ATP8A2: variants seen among roughly 807,000 people sequenced by gnomAD.
The protein encoded by ATP8A2 is ATPase phospholipid transporting 8A2, also known as phospholipid-transporting ATPase IB.
Under a neutral mutation model 165.6 loss-of-function variants are expected in ATP8A2, and 100 were observed. The observed-to-expected ratio is 0.60, with a 90% CI of 0.51 to 0.71. The LOEUF is 0.71. Ranked by LOEUF, ATP8A2 falls within the 30% of genes least tolerant of loss-of-function variation. The pLI is 0.00. For missense variants in ATP8A2, 1,227 were observed against 1,479.5 expected (o/e 0.83, Z 2.80); for synonymous variants, 543 against 548.8 (o/e 0.99, Z 0.15).
intron 23 of ATP8A2, among the ~76,000 whole-genome samples, chr13:25,587,644 A>T (rs1039921867): frequency 6.6e-6 from 1 of 152,268 alleles, no homozygotes; most frequent in African/African-American, 2.4e-5. Context: ...TCTATATTGC[A>T]TGAAGTTGCT....
chr13:25,964,620 TC>T (rs1196317579), intron 34 of ATP8A2, among the ~76,000 whole-genome samples: 1 of 152,140 alleles, frequency 6.6e-6, no homozygotes, highest in Non-Finnish European at 1.5e-5. Flanking sequence ...GAACCACCCA[TC>T]CTTGGATTTG....
chr13:25,921,579 C>T (rs550355301), intron 33 of ATP8A2, among the ~76,000 whole-genome samples: 62 of 147,770 alleles, frequency 4.2e-4, no homozygotes, highest in African/African-American at 1.4e-3. Context: ...GCCAAGATTG[C>T]GCCATTGCAC....
chr13:25,545,206 C>T (rs1043810754), intron 10 of ATP8A2, among the ~76,000 whole-genome samples: 1 of 151,846 alleles, frequency 6.6e-6, no homozygotes, highest in Non-Finnish European at 1.5e-5. Flanking sequence ...CGGGAGGGCT[C>T]CATGGCAGCT....
At chr13:25,409,068 C>A (rs1352662433) in intron 1 of ATP8A2, among the ~76,000 whole-genome samples, 1 of 152,118 alleles carries the variant, frequency 6.6e-6, no homozygotes, top group Non-Finnish European at 1.5e-5. Flanking sequence ...ATGCCCTTTT[C>A]TATTTTGATC....
At chr13:25,768,547 C>T (rs529359004) in intron 25 of ATP8A2, among the ~76,000 whole-genome samples, 9 of 152,062 alleles carry the variant, frequency 5.9e-5, no homozygotes, top group South Asian at 4.2e-4. Flanking sequence ...TGCTCTTACC[C>T]CAGCCTTCTT....
At chr13:25,869,688 C>T (rs563763809) in intron 33 of ATP8A2, among the ~76,000 whole-genome samples, 2 of 152,328 alleles carry the variant, frequency 1.3e-5, no homozygotes, top group Non-Finnish European at 2.9e-5. Context: ...GAGAAAAGTT[C>T]TCTTGTCCCC....
intron 10 of ATP8A2, among the ~76,000 whole-genome samples, chr13:25,545,186 T>G (rs1335895472): frequency 6.6e-6 from 1 of 151,820 alleles, no homozygotes; most frequent in Non-Finnish European, 1.5e-5. Flanking sequence ...GCTTGTGTGT[T>G]GAAGCAAGGC....
chr13:25,753,969 C>T (rs2044207985), intron 25 of ATP8A2, among the ~76,000 whole-genome samples: 1 of 152,226 alleles, frequency 6.6e-6, no homozygotes, highest in Non-Finnish European at 1.5e-5. Context: ...AAAGAAATTG[C>T]ACCCCTTGCA....
intron 25 of ATP8A2, among the ~76,000 whole-genome samples, chr13:25,701,170 C>A (rs2042943498): frequency 6.6e-6 from 1 of 152,118 alleles, no homozygotes; most frequent in African/African-American, 2.4e-5. Flanking sequence ...TTACTTGCAG[C>A]AAAATTATTT....
chr13:25,559,063 T>C lies in ATP8A2; in HGVS notation c.1352+2T>C, dbSNP rs1381674923. The C allele has an allele frequency of 6.3e-7, 1 of 1,589,118 alleles. No homozygotes were observed. Among genetic ancestry groups the C allele is most frequent in the African/African-American group, 1.3e-5 (1 of 74,132 alleles). ...CAGCATTGCCGGAGTAACCTATGGG[T>C]CAGTGTGTTTATCATTTACTGAAAA... On this transcript the variant is annotated splice_donor_variant, in intron 14 of 36. Transcript: ENST00000381655. LOFTEE classifies it high-confidence loss of function.
chr13:25,698,365 C>T (rs1225117145), intron 24 of ATP8A2, among the ~76,000 whole-genome samples: 1 of 152,006 alleles, frequency 6.6e-6, no homozygotes, highest in Non-Finnish European at 1.5e-5. Flanking sequence ...CGACTACAGA[C>T]ATGCAGCAGA....
intron 27 of ATP8A2, among the ~76,000 whole-genome samples, chr13:25,809,145 T>A: frequency 6.6e-6 from 1 of 152,054 alleles, no homozygotes; most frequent in East Asian, 1.9e-4. Flanking sequence ...AAGTGAGGTG[T>A]CTTCAAAGAT....
chr13:25,731,748 A>G (rs187204389), intron 25 of ATP8A2, among the ~76,000 whole-genome samples: 1 of 152,390 alleles, frequency 6.6e-6, no homozygotes, highest in East Asian at 1.9e-4. Context: ...TAACACTCGC[A>G]GAAATGAAGC....
chr13:25,449,874 C>CA (rs2035165979), intron 1 of ATP8A2, among the ~76,000 whole-genome samples: 1 of 152,080 alleles, frequency 6.6e-6, no homozygotes, highest in African/African-American at 2.4e-5. Context: ...AGGTTTGTTA[C>CA]ATAGGTAAAC....
Position 26,025,441 on chromosome 13 carries a change from G to GAGCAA in ATP8A2, c.*5460_*5464dup, listed in dbSNP as rs1957151496. ...CATCTTTGTGGCGTCTTTCTCATGC[G>GAGCAA]AGCAAAGCCACGTGCTCTCCTGTCT... On this transcript the variant is annotated 3_prime_UTR_variant, in exon 37 of 37. Transcript: ENST00000381655. The GAGCAA allele has an allele frequency of 6.6e-6, 1 of 152,264 alleles. No homozygotes were observed. The highest frequency in any genetic ancestry group is 2.1e-4 in the South Asian group (1 of 4,830). 9.4% of individuals were successfully genotyped at this position (152,264 alleles called of 1,614,324 possible).
intron 24 of ATP8A2, among the ~76,000 whole-genome samples, chr13:25,641,096 G>A (rs7333490): frequency 0.72 from 109,968 of 152,016 alleles, 39,936 homozygotes; most frequent in Middle Eastern, 0.79. Context: ...GTATTGATGG[G>A]ATGTATCTCA....
intron 35 of ATP8A2, among the ~76,000 whole-genome samples, chr13:25,996,238 T>G (rs1956500545): frequency 6.6e-6 from 1 of 152,242 alleles, no homozygotes; most frequent in Non-Finnish European, 1.5e-5. Context: ...TCTGTATCTT[T>G]TAATTGGCAT....
At chr13:25,718,093 A>G (rs772298870) in intron 25 of ATP8A2, among the ~76,000 whole-genome samples, 1 of 152,154 alleles carries the variant, frequency 6.6e-6, no homozygotes, top group Non-Finnish European at 1.5e-5. Context: ...GCACCCCAGC[A>G]TTTATTCCCT....
At chr13:25,461,472 G>A (rs146999227) in intron 1 of ATP8A2, among the ~76,000 whole-genome samples, 16 of 152,274 alleles carry the variant, frequency 1.1e-4, no homozygotes, top group East Asian at 1.9e-4. Flanking sequence ...TTTGAGGAGC[G>A]GAATGTATGT....
Sources: allele counts gnomAD v4.1 joint callset (sites outside exome capture counted in the v4.1 genomes callset), GRCh38; gene constraint gnomAD v4.1.1; transcripts MANE v1.5; gene names NCBI Gene and HGNC (gene_info 2026-07-23, HGNC 2026-07-21).